EHMT1: variants seen among roughly 807,000 people sequenced by gnomAD.
EHMT1 encodes histone-lysine N-methyltransferase EHMT1.
EHMT1 carries 15 observed loss-of-function variants against 147.2 expected under a neutral mutation model. That is an observed-to-expected ratio of 0.10 (90% CI 0.07 to 0.16). The LOEUF (loss-of-function observed/expected upper bound fraction) is 0.16. Ranked by LOEUF, EHMT1 falls within the 10% of genes least tolerant of loss-of-function variation. EHMT1 has a pLI of 1.00. For synonymous variants in EHMT1, 795 were observed against 709.6 expected, an observed-to-expected ratio of 1.12 and a Z score of -1.91; for missense variants, 1,587 against 1,772.4, an observed-to-expected ratio of 0.90 and a Z score of 1.88.
intron 10 of EHMT1, chr9:137,763,438 G>C (rs1949994450): frequency 6.0e-6 from 1 of 168,050 alleles, no homozygotes; most frequent in Non-Finnish European, 1.3e-5. Flanking sequence ...CAGGAGGCTT[G>C]TTGGCACCAG....
rs11427653 is a variant in EHMT1 at position 137,698,937 on chromosome 9, TA to T, written c.22-12018del. On this transcript the variant is annotated intron_variant, in intron 1 of 26. Coordinates refer to ENST00000460843, the MANE Select transcript of EHMT1 (RefSeq NM_024757.5). ...TTTCCCCCACTATACATTGTTTATT[TA>T]AAAAAAAAAAAGTCAGTAGTTTGGT... 2.8e-3 allele frequency among the ~76,000 whole-genome samples: 406 copies of T among 146,702 alleles called. 1 individual carries two copies. The highest frequency in any genetic ancestry group is 4.3e-3 in the South Asian group (20 of 4,648).
intron 14 of EHMT1, among the ~76,000 whole-genome samples, chr9:137,781,074 T>TGATGCTGAGAC (rs1564748252): frequency 4.5e-4 from 6 of 13,456 alleles, no homozygotes; most frequent in Non-Finnish European, 6.8e-4. Context: ...GACGCCGGGA[T>TGATGCTGAGAC]GTGTGGTGAT....
chr9:137,763,442 G>A (rs1949994655), intron 10 of EHMT1: 2 of 167,262 alleles, frequency 1.2e-5, no homozygotes, highest in Admixed American at 5.5e-5. Context: ...AGGCTTGTTG[G>A]CACCAGGCCG....
chr9:137,806,380 G>A lies in EHMT1; in HGVS notation c.2713-5081G>A, dbSNP rs111470391. Among the ~76,000 whole-genome samples, 1,338 of 151,918 alleles carry A rather than the reference G, an allele frequency of 8.8e-3. 19 individuals are homozygous for A. The highest frequency in any genetic ancestry group is 0.03 in the African/African-American group (1,254 of 41,402). ...ATGCTCCTGATGTTGCTTCCCTTCC[G>A]CTGGCCTCACTCCCTTTACCTTTTC... On this transcript the variant is annotated intron_variant, in intron 18 of 26. Coordinates refer to ENST00000460843, the MANE Select transcript of EHMT1 (RefSeq NM_024757.5).
At chr9:137,639,665 T>C (rs2133789040) in intron 1 of EHMT1, among the ~76,000 whole-genome samples, 2 of 152,348 alleles carry the variant, frequency 1.3e-5, no homozygotes, top group East Asian at 3.9e-4. Flanking sequence ...ACTATATCTT[T>C]TTCTGGCCTT....
chr9:137,762,669 CG>C lies in EHMT1; in HGVS notation c.1502-5del. The C allele has an allele frequency of 6.2e-7, 1 of 1,614,148 alleles. No homozygotes were observed. Among genetic ancestry groups the C allele is most frequent in the Non-Finnish European group, 8.5e-7 (1 of 1,180,038 alleles). On this transcript the variant is annotated splice_polypyrimidine_tract_variant and splice_region_variant and intron_variant, in intron 9 of 26. Transcript: ENST00000460843. ...CATGAGCTGACATGTGTCTGTGTGACGTTAGGGTTGGCCAACGGTCCAGATG... is the reference window on the plus strand; with the variant it reads ...CATGAGCTGACATGTGTCTGTGTGACTTAGGGTTGGCCAACGGTCCAGATG...
chr9:137,801,647 C>A (rs904511428), intron 18 of EHMT1, among the ~76,000 whole-genome samples: 5 of 152,098 alleles, frequency 3.3e-5, no homozygotes, highest in African/African-American at 1.2e-4. Context: ...TATAGGCGCC[C>A]ACGACCACAC....
intron 2 of EHMT1, among the ~76,000 whole-genome samples, chr9:137,714,037 G>T (rs1378571534): frequency 2.0e-5 from 3 of 152,178 alleles, no homozygotes; most frequent in Non-Finnish European, 4.4e-5. Context: ...TAGTTCTAAT[G>T]ATTTAAACTT....
intron 1 of EHMT1, among the ~76,000 whole-genome samples, chr9:137,687,619 A>T (rs1942574079): frequency 6.6e-6 from 1 of 152,178 alleles, no homozygotes; most frequent in African/African-American, 2.4e-5. Context: ...CAGAGTTTTC[A>T]TGAATGGGAT....
intron 1 of EHMT1, chr9:137,697,021 C>G (rs1943448880): frequency 6.9e-6 from 2 of 288,026 alleles, no homozygotes; most frequent in African/African-American, 2.3e-5. Flanking sequence ...GGACTCACAC[C>G]TGTGATCCCA....
intron 9 of EHMT1, among the ~76,000 whole-genome samples, chr9:137,758,611 A>T (rs913806051): frequency 6.6e-6 from 1 of 152,182 alleles, no homozygotes; most frequent in African/African-American, 2.4e-5. Context: ...CTATTTGATT[A>T]TTTGGGAAGA....
chr9:137,713,808 G>T (rs189276229), intron 2 of EHMT1, among the ~76,000 whole-genome samples: 2 of 151,990 alleles, frequency 1.3e-5, no homozygotes, highest in Admixed American at 1.3e-4. Context: ...AAATTAGCGG[G>T]ATGTGGTGGC....
intron 1 of EHMT1, among the ~76,000 whole-genome samples, chr9:137,699,683 A>C (rs1465571699): frequency 1.3e-5 from 2 of 151,864 alleles, no homozygotes; most frequent in African/African-American, 4.8e-5. Flanking sequence ...TCAAAAAAAA[A>C]AAAAAAGAGA....
At chr9:137,702,409 C>T (rs1485457079) in intron 1 of EHMT1, among the ~76,000 whole-genome samples, 1 of 152,148 alleles carries the variant, frequency 6.6e-6, no homozygotes, top group Non-Finnish European at 1.5e-5. Flanking sequence ...GAAAAATTGA[C>T]CAAAACAAAG....
intron 4 of EHMT1, 179 bp from the exon 5 acceptor site, chr9:137,743,191 TC>T (rs1948255593): frequency 1.6e-6 from 1 of 644,546 alleles, no homozygotes; most frequent in Non-Finnish European, 2.6e-6. Flanking sequence ...TGTGAATTGA[TC>T]GTGAGGGAAG....
Position 137,775,687 on chromosome 9 carries a change from T to C in EHMT1, c.1791+435T>C, listed in dbSNP as rs1950904519. Among the ~76,000 whole-genome samples, 2 of 151,960 alleles carry C rather than the reference T, an allele frequency of 1.3e-5. No homozygotes were observed. The highest frequency in any genetic ancestry group is 2.9e-5 in the Non-Finnish European group (2 of 67,960). On this transcript the variant is annotated intron_variant, in intron 11 of 26. Coordinates refer to ENST00000460843, the MANE Select transcript of EHMT1 (RefSeq NM_024757.5). The surrounding 1 kb of genome is among the most constrained non-coding windows in gnomAD (Gnocchi z 6.1). The stretch of plus-strand genomic sequence containing the variant: ...GTGTACTGAGGACATTCACCCCCCA[T>C]GATAAGGGTGTCCAGAGCACACAGC...
intron 3 of EHMT1, among the ~76,000 whole-genome samples, chr9:137,722,683 CCT>C (rs1946182355): frequency 6.6e-6 from 1 of 151,116 alleles, no homozygotes; most frequent in Admixed American, 6.6e-5. Context: ...TGGGTGCCCC[CCT>C]GTGCCCCCGG....
At chr9:137,716,244 TGTG>T (rs1283267866) in intron 2 of EHMT1, among the ~76,000 whole-genome samples, 13 of 776 alleles carry the variant, frequency 0.017, 4 homozygotes, top group Non-Finnish European at 0.029. Context: ...GGGAGGAAGT[TGTG>T]GTGGTGTCAT....
chr9:137,803,424 G>C (rs916564111), intron 18 of EHMT1: 1 of 495,378 alleles, frequency 2.0e-6, no homozygotes, highest in Non-Finnish European at 2.6e-6. Context: ...TGTTGTCTGC[G>C]TGTCTCGGTT....
Sources: gnomAD v4.1 joint callset for allele counts (sites outside exome capture counted in the v4.1 genomes callset) on GRCh38, gnomAD v4.1.1 for gene constraint, Gnocchi (gnomAD v3.1) non-coding constraint, MANE v1.5 for transcripts, NCBI Gene and HGNC (gene_info 2026-07-23, HGNC 2026-07-21) for gene names.